Variants in SEC24D observed in about 807,000 individuals in gnomAD.
The protein encoded by SEC24D is SEC24 homolog D, COPII component.
Under a neutral mutation model 116.9 loss-of-function variants are expected in SEC24D, and 69 were observed. That is an observed-to-expected ratio of 0.59 (90% confidence interval 0.49 to 0.72). The LOEUF is 0.72. SEC24D is among the 30% of genes least tolerant of loss of function. The probability of loss-of-function intolerance (pLI) is 0.00; values close to 1 mark genes in which losing one functional copy is unlikely to be tolerated. For synonymous variants in SEC24D, 405 were observed against 442.8 expected, an observed-to-expected ratio of 0.91 and a Z score of 1.07; for missense variants, 1,131 against 1,264.1, an observed-to-expected ratio of 0.89 and a Z score of 1.60.
At chr4:118,821,307 T>C (rs1730391572) in intron 3 of SEC24D, among the ~76,000 whole-genome samples, 1 of 152,350 alleles carries the variant, frequency 6.6e-6, no homozygotes, top group South Asian at 2.1e-4. Flanking sequence ...TCCCTCAAAT[T>C]CACTGTTTCT....
Position 118,817,381 on chromosome 4 carries a change from C to A in SEC24D, c.280G>T (p.Ala94Ser). ...FPGPPPVNNV[A>S]SSHAPYQPSA... ...GGTTGGTATGGTGCATGTGAGGATG[C>A]CACATTGTTGACAGGTGGAGGGCCT... is the stretch of plus-strand genomic sequence containing the variant. Residue 94 changes from alanine (A) to serine (S), a missense_variant, in exon 4 of 23, where the codon GCA (alanine) becomes TCA (serine). Transcript: ENST00000280551. 1.2e-6 allele frequency: 2 copies of A among 1,611,096 alleles called. No homozygotes were observed. Among genetic ancestry groups the A allele is most frequent in the South Asian group, 2.2e-5 (2 of 90,644 alleles).
At chr4:118,784,834 G>A (rs1728599772) in intron 8 of SEC24D, among the ~76,000 whole-genome samples, 1 of 151,726 alleles carries the variant, frequency 6.6e-6, no homozygotes, top group East Asian at 1.9e-4. Flanking sequence ...ACTGGAGTGG[G>A]GGGAGAATAA....
intron 10 of SEC24D, chr4:118,758,757 C>G (rs1395687869): frequency 6.6e-6 from 1 of 152,058 alleles, no homozygotes; most frequent in Non-Finnish European, 1.5e-5. Flanking sequence ...CTTTCTGATT[C>G]ATTCTATATC....
At position 118,833,686 on chromosome 4, in the gene SEC24D, T is replaced by G. The variant is rs544446886; in HGVS notation, c.11A>C (p.Gln4Pro). Residue 4 changes from glutamine to proline, a missense_variant, in exon 2 of 23, where the codon CAA becomes CCA. Physicochemically the swap from Gln to Pro is moderately conservative, Grantham distance 76. Coordinates refer to ENST00000280551, the MANE Select transcript of SEC24D (RefSeq NM_014822.4). Reference protein sequence around the residue: MSQQGYVATPPYSQ... With the variant: MSQPGYVATPPYSQ... Reference sequence around the variant, plus strand: ...ATACGGAGGTGTAGCCACGTAACCTTGTTGACTCATTATGAAAATATCATT... The same window carrying G: ...ATACGGAGGTGTAGCCACGTAACCTGGTTGACTCATTATGAAAATATCATT... The G allele has an allele frequency of 2.0e-5, 32 of 1,609,932 alleles. No homozygotes were observed. The South Asian group carries it at 3.3e-4, about 17-fold the overall frequency.
chr4:118,768,429 C>G (rs1387960341), intron 8 of SEC24D, 118 bp from the exon 9 acceptor site: 4 of 751,230 alleles, frequency 5.3e-6, no homozygotes, highest in East Asian at 2.8e-5. Flanking sequence ...GAGTCTTGCT[C>G]TGTCACTCAG....
chr4:118,801,954 C>T (rs1270475308), intron 7 of SEC24D, among the ~76,000 whole-genome samples: 2 of 152,174 alleles, frequency 1.3e-5, no homozygotes, highest in African/African-American at 2.4e-5. Flanking sequence ...TTACTGAAAA[C>T]ATTCAATAAA....
Position 118,740,691 on chromosome 4 carries a change from A to G in SEC24D, c.2210T>C (p.Leu737Pro). The G allele has an allele frequency of 6.2e-7, 1 of 1,613,890 alleles. No individual in the cohort carries two copies. Among genetic ancestry groups the G allele is most frequent in the Admixed American group, 1.7e-5 (1 of 60,008 alleles). The change falls in exon 17 of 23, where the codon CTC becomes CCC. Residue 737 changes from leucine (L) to proline (P), a missense_variant. Physicochemically the swap from Leu to Pro is moderately conservative, Grantham distance 98. Coordinates refer to ENST00000280551, the MANE Select transcript of SEC24D (RefSeq NM_014822.4). ...GATTAAGGCTCCACTGTCTTCACTG[A>G]GTTTGTCATCGTGCTTGAACTCCAC... ...VTVEFKHDDKLSEDSGALIQC... is the reference protein window; with the variant it reads ...VTVEFKHDDKPSEDSGALIQC...
At chr4:118,772,745 G>A (rs1196779707) in intron 8 of SEC24D, among the ~76,000 whole-genome samples, 1 of 152,144 alleles carries the variant, frequency 6.6e-6, no homozygotes, top group Admixed American at 6.6e-5. Context: ...AGTGATGTCT[G>A]GTGTGTCCTG....
chr4:118,743,950 G>T, intron 15 of SEC24D, 38 bp downstream of exon 15: 1 of 1,543,508 alleles, frequency 6.5e-7, no homozygotes, highest in Non-Finnish European at 8.8e-7. Context: ...ATTAAAATGG[G>T]AGTAGAAGAC....
chr4:118,762,205 G>A (rs369026757), intron 10 of SEC24D, among the ~76,000 whole-genome samples: 12 of 152,062 alleles, frequency 7.9e-5, no homozygotes, highest in East Asian at 7.7e-4. Context: ...CAGTTATATG[G>A]CAAAGCTGAG....
chr4:118,792,350 T>A (rs554294406), intron 8 of SEC24D, among the ~76,000 whole-genome samples: 1 of 151,998 alleles, frequency 6.6e-6, no homozygotes, highest in African/African-American at 2.4e-5. Context: ...GTCTAGGAAG[T>A]GAGGAGCCCC....
At chr4:118,762,241 A>T (rs1202073776) in intron 10 of SEC24D, among the ~76,000 whole-genome samples, 1 of 152,122 alleles carries the variant, frequency 6.6e-6, no homozygotes. Flanking sequence ...AGGGAACTCC[A>T]GGATGATTGT....
chr4:118,825,695 AAAG>A (rs1240076609), intron 2 of SEC24D: 10 of 413,712 alleles, frequency 2.4e-5, no homozygotes, highest in Non-Finnish European at 4.6e-5. Context: ...GAAAAGAAAA[AAAG>A]AGAAAAACTT....
chr4:118,744,956 T>C lies in SEC24D; in HGVS notation c.1812A>G (p.Thr604=). Residue 604 remains threonine (T), a synonymous_variant, in exon 14 of 23, where the codon ACA becomes ACG. Transcript: ENST00000280551. The part of the protein sequence containing the change: ...KNRDDKKLVN[T]DKEKILFQPQ... ...AGTTACAAAGTACCTTCTCTTTGTC[T>C]GTATTAACCAGTTTTTTGTCATCTC... 6.3e-7 allele frequency: 1 copy of C among 1,591,884 alleles called. No homozygotes were observed. Among genetic ancestry groups the C allele is most frequent in the African/African-American group, 1.3e-5 (1 of 74,414 alleles).
At position 118,768,204 on chromosome 4, in the gene SEC24D, A is replaced by G. The variant is rs142002294; in HGVS notation, c.1149T>C (p.Tyr383=). The change falls in exon 9 of 23, where the codon TAT becomes TAC. Residue 383 remains tyrosine (Y), a synonymous_variant. Transcript: ENST00000280551. The part of the protein sequence containing the change: ...FMQFIEGGRR[Y]QCGFCNCVND... The stretch of plus-strand genomic sequence containing the variant: ...TCACACAGTTGCAAAATCCACACTG[A>G]TATCTCCTTCCTCCTTCGATGAACT... 2 of 1,613,890 alleles carry G rather than the reference A, an allele frequency of 1.2e-6. No individual in the cohort carries two copies. Among genetic ancestry groups the G allele is most frequent in the African/African-American group, 1.3e-5 (1 of 75,030 alleles).
chr4:118,792,790 G>A (rs1187345528), intron 8 of SEC24D, among the ~76,000 whole-genome samples: 2 of 152,022 alleles, frequency 1.3e-5, no homozygotes, highest in African/African-American at 4.8e-5. Flanking sequence ...GAAAACCAGA[G>A]ACCTTTGTTC....
chr4:118,792,285 GC>G (rs971689106), intron 8 of SEC24D, among the ~76,000 whole-genome samples: 16 of 144,810 alleles, frequency 1.1e-4, no homozygotes, highest in Non-Finnish European at 1.8e-4. Flanking sequence ...GGCAGCCCCC[GC>G]CCGGCCAGCT....
intron 19 of SEC24D, among the ~76,000 whole-genome samples, chr4:118,737,366 T>C (rs1463652195): frequency 1.3e-5 from 2 of 152,338 alleles, no homozygotes; most frequent in African/African-American, 2.4e-5. Context: ...TTGGACAGCA[T>C]GGAAAGGAAC....
chr4:118,761,016 C>T (rs939850497), intron 10 of SEC24D, among the ~76,000 whole-genome samples: 6 of 152,154 alleles, frequency 3.9e-5, no homozygotes, highest in East Asian at 1.9e-4. Context: ...CGCACCTGGC[C>T]GGTAATTCTA....
Sources: gnomAD v4.1 joint callset for allele counts (sites outside exome capture counted in the v4.1 genomes callset) on GRCh38, gnomAD v4.1.1 for gene constraint, MANE v1.5 for transcripts, NCBI Gene and HGNC (gene_info 2026-07-23, HGNC 2026-07-21) for gene names.